The following PTPRD variants were observed in gnomAD, a reference collection of about 807,000 sequenced individuals.
The protein encoded by PTPRD is receptor-type tyrosine-protein phosphatase delta.
In PTPRD, 34 loss-of-function variants were observed where a neutral mutation model predicts 214.5. The observed-to-expected ratio is 0.16, with a 90% CI of 0.12 to 0.21. PTPRD has a LOEUF of 0.21. PTPRD is among the 10% of genes least tolerant of loss of function. The probability of loss-of-function intolerance (pLI) is 1.00; values close to 1 mark genes in which losing one functional copy is unlikely to be tolerated. For missense variants in PTPRD, 2,545 were observed against 2,398.7 expected (o/e 1.06, Z -1.27); for synonymous variants, 1,128 against 845.7 (o/e 1.33, Z -5.79).
chr9:9,645,457 GTATA>G (rs150506021), intron 7 of PTPRD, among the ~76,000 whole-genome samples: 48 of 134,328 alleles, frequency 3.6e-4, no homozygotes, highest in East Asian at 8.2e-4. Flanking sequence ...CTACATATAT[GTATA>G]TATATATATA....
chr9:10,409,467 T>C (rs2098411914), intron 2 of PTPRD, among the ~76,000 whole-genome samples: 1 of 151,794 alleles, frequency 6.6e-6, no homozygotes, highest in Admixed American at 6.6e-5. Context: ...CATCCATAAA[T>C]ATGAACATGA....
chr9:10,467,805 ACAAAC>A (rs1050462158), intron 2 of PTPRD, among the ~76,000 whole-genome samples: 1 of 152,212 alleles, frequency 6.6e-6, no homozygotes, highest in African/African-American at 2.4e-5. Context: ...TAAATTAAAA[ACAAAC>A]CTAATTTATT....
intron 5 of PTPRD, among the ~76,000 whole-genome samples, chr9:9,829,690 G>A (rs1746813): frequency 1.2e-4 from 18 of 151,704 alleles, no homozygotes; most frequent in African/African-American, 4.3e-4. Flanking sequence ...GACACTGAAT[G>A]TTTCAGCTGC....
chr9:9,007,473 AT>A lies in PTPRD; in HGVS notation c.-104+11223del, dbSNP rs34466364. Among the ~76,000 whole-genome samples the A allele has an allele frequency of 1.4e-3, 189 of 133,436 alleles. 1 individual carries two copies. The highest frequency in any genetic ancestry group is 4.2e-3 in the African/African-American group (166 of 39,170). The allele number at this position is 133,436 out of a possible 152,430, so 87.5% of individuals were successfully genotyped here. A position where few individuals can be genotyped will look rare whatever the true frequency, so the allele number is the denominator to read the frequency against. Reference sequence around the variant, plus strand: ...AGTCCCTGAAGAATTTTAAAAATATATTTTTTTTTATGTGCTTGACCCTATT... The same window carrying A: ...AGTCCCTGAAGAATTTTAAAAATATATTTTTTTTATGTGCTTGACCCTATT... On this transcript the variant is annotated intron_variant, in intron 11 of 45. Transcript: ENST00000381196.
At chr9:9,591,832 A>C (rs1368549000) in intron 7 of PTPRD, among the ~76,000 whole-genome samples, 2 of 151,964 alleles carry the variant, frequency 1.3e-5, no homozygotes, top group Non-Finnish European at 2.9e-5. Flanking sequence ...TCCAAATTTT[A>C]TTTTATAGCC....
chr9:8,525,508 C>A (rs766330478), intron 17 of PTPRD, among the ~76,000 whole-genome samples: 10 of 151,890 alleles, frequency 6.6e-5, no homozygotes, highest in Admixed American at 1.3e-4. Context: ...GCAGCGAGCA[C>A]AAAAAGGCTG....
Position 9,973,471 on chromosome 9 carries a change from C to CA in PTPRD, c.-471-34862dup, listed in dbSNP as rs540294559. The stretch of plus-strand genomic sequence containing the variant: ...TGGGTGACAGAGTGAGACCTTGTCT[C>CA]AAAAAAAAAAAATTAAAAGTAGATG... On this transcript the variant is annotated intron_variant, in intron 4 of 45. Coordinates refer to ENST00000381196, the MANE Select transcript of PTPRD (RefSeq NM_002839.4). Among the ~76,000 whole-genome samples the CA allele has an allele frequency of 2.9e-3, 404 of 139,650 alleles. 1 individual carries two copies. Among genetic ancestry groups the CA allele is most frequent in the African/African-American group, 5.7e-3 (218 of 38,000 alleles). The allele number at this position is 139,650 out of a possible 152,430, so 91.6% of individuals were successfully genotyped here.
intron 5 of PTPRD, among the ~76,000 whole-genome samples, chr9:9,891,370 T>C (rs2073262423): frequency 6.7e-6 from 1 of 150,092 alleles, no homozygotes; most frequent in African/African-American, 2.5e-5. Context: ...CAGGAAAACA[T>C]ACACTTTTTT....
At chr9:10,168,849 G>A (rs949442473) in intron 3 of PTPRD, among the ~76,000 whole-genome samples, 2 of 152,006 alleles carry the variant, frequency 1.3e-5, no homozygotes, top group African/African-American at 2.4e-5. Flanking sequence ...ACACACACAC[G>A]GCGCTAGCAA....
At position 9,884,628 on chromosome 9, in the gene PTPRD, A is replaced by G. The variant is rs554281738; in HGVS notation, c.-368+53879T>C. Among the ~76,000 whole-genome samples, 199 of 152,200 alleles carry G rather than the reference A, an allele frequency of 1.3e-3. 2 individuals carry two copies. The highest frequency in any genetic ancestry group is 1.9e-3 in the Non-Finnish European group (129 of 68,004). On this transcript the variant is annotated intron_variant, in intron 5 of 45. Coordinates refer to ENST00000381196, the MANE Select transcript of PTPRD (RefSeq NM_002839.4). ...GTGATATGGTTTGGCTGTGTCCCCAACCAAATCTCATTTTGAGTTATAGTT... is the reference window on the plus strand; with the variant it reads ...GTGATATGGTTTGGCTGTGTCCCCAGCCAAATCTCATTTTGAGTTATAGTT...
intron 39 of PTPRD, among the ~76,000 whole-genome samples, chr9:8,368,501 T>C (rs974724739): frequency 3.0e-4 from 46 of 152,106 alleles, no homozygotes. Context: ...TTAGATAGTA[T>C]TGTATTACTA....
intron 39 of PTPRD, among the ~76,000 whole-genome samples, chr9:8,354,003 G>A (rs1374414997): frequency 7.1e-6 from 1 of 140,042 alleles, no homozygotes; most frequent in Non-Finnish European, 1.5e-5. Flanking sequence ...TCTGTTGCCA[G>A]GCTGGAGTGC....
intron 2 of PTPRD, among the ~76,000 whole-genome samples, chr9:10,517,966 GA>G (rs1434587640): frequency 6.6e-6 from 1 of 152,048 alleles, no homozygotes; most frequent in Non-Finnish European, 1.5e-5. Flanking sequence ...GGAACTTATT[GA>G]ATACGAATTG....
At chr9:10,096,547 G>C (rs1306361266) in intron 3 of PTPRD, among the ~76,000 whole-genome samples, 1 of 151,922 alleles carries the variant, frequency 6.6e-6, no homozygotes, top group Non-Finnish European at 1.5e-5. Context: ...CTTTTGAGAA[G>C]TGTCTGTTCA....
intron 12 of PTPRD, among the ~76,000 whole-genome samples, chr9:8,714,766 C>A (rs1009072097): frequency 6.6e-6 from 1 of 152,110 alleles, no homozygotes; most frequent in South Asian, 2.1e-4. Flanking sequence ...CCCCTACCCA[C>A]CCCCATCATG....
At chr9:9,368,362 G>A (rs1047695948) in intron 9 of PTPRD, among the ~76,000 whole-genome samples, 2 of 151,844 alleles carry the variant, frequency 1.3e-5, no homozygotes, top group South Asian at 2.1e-4. Flanking sequence ...GGAAAAGACA[G>A]GTAAGATAAT....
chr9:10,546,287 G>C (rs1014193237), intron 2 of PTPRD, among the ~76,000 whole-genome samples: 2 of 151,866 alleles, frequency 1.3e-5, no homozygotes, highest in Admixed American at 1.3e-4. Context: ...TTAAAGCCTT[G>C]ATATGTGATA....
At chr9:9,623,429 T>C (rs532532739) in intron 7 of PTPRD, among the ~76,000 whole-genome samples, 75 of 152,220 alleles carry the variant, frequency 4.9e-4, no homozygotes, top group Non-Finnish European at 9.8e-4. Context: ...GCATGCAGTA[T>C]AACAATGTGT....
At chr9:8,597,376 C>T (rs2094530615) in intron 14 of PTPRD, among the ~76,000 whole-genome samples, 1 of 152,018 alleles carries the variant, frequency 6.6e-6, no homozygotes, top group African/African-American at 2.4e-5. Context: ...TGTTTCAGTT[C>T]TATATTTCCA....
Sources: allele counts gnomAD v4.1 joint callset (sites outside exome capture counted in the v4.1 genomes callset), GRCh38; gene constraint gnomAD v4.1.1; transcripts MANE v1.5; gene names NCBI Gene and HGNC (gene_info 2026-07-23, HGNC 2026-07-21).